Variants in PDGFD observed in about 807,000 individuals in gnomAD.
PDGFD encodes platelet derived growth factor D.
In PDGFD, 30 loss-of-function variants were observed where a neutral mutation model predicts 44.7. The observed-to-expected ratio is 0.67, with a 90% CI of 0.50 to 0.91. The LOEUF is 0.91. Ranked by LOEUF, PDGFD falls within the 40% of genes least tolerant of loss-of-function variation. The pLI, the probability that PDGFD is intolerant of heterozygous loss-of-function variation, is 0.00. For missense variants in PDGFD, 445 were observed against 457.8 expected, an observed-to-expected ratio of 0.97 and a Z score of 0.25; for synonymous variants, 173 against 168.4, an observed-to-expected ratio of 1.03 and a Z score of -0.21.
intron 1 of PDGFD, among the ~76,000 whole-genome samples, chr11:104,029,465 C>T (rs527805206): frequency 1.3e-5 from 2 of 152,118 alleles, no homozygotes; most frequent in African/African-American, 2.4e-5. Flanking sequence ...ATAGAGAAAG[C>T]TACATAAACA....
At chr11:104,105,032 T>C (rs1432415822) in intron 1 of PDGFD, among the ~76,000 whole-genome samples, 1 of 152,220 alleles carries the variant, frequency 6.6e-6, no homozygotes, top group African/African-American at 2.4e-5. Flanking sequence ...GTAACATTTA[T>C]GTGAAACGTA....
At chr11:103,952,415 A>G (rs1858772703) in intron 3 of PDGFD, among the ~76,000 whole-genome samples, 1 of 152,076 alleles carries the variant, frequency 6.6e-6, no homozygotes, top group Non-Finnish European at 1.5e-5. Flanking sequence ...TGACTTCCTC[A>G]CCTCCTGCTC....
chr11:104,005,217 G>C (rs1033371369), intron 1 of PDGFD, among the ~76,000 whole-genome samples: 17 of 152,324 alleles, frequency 1.1e-4, no homozygotes, highest in Non-Finnish European at 2.5e-4. Context: ...CTGGGGAAGA[G>C]AGAGGTCTAG....
intron 1 of PDGFD, among the ~76,000 whole-genome samples, chr11:104,126,517 A>G (rs1248333562): frequency 6.6e-6 from 1 of 152,206 alleles, no homozygotes; most frequent in African/African-American, 2.4e-5. Flanking sequence ...TTTAAGGAGA[A>G]AAACAATCTT....
intron 1 of PDGFD, among the ~76,000 whole-genome samples, chr11:104,119,178 A>G (rs1191883822): frequency 1.6e-3 from 9 of 5,704 alleles, no homozygotes; most frequent in African/African-American, 4.2e-3. Context: ...TAATATATTA[A>G]TATAATATAT....
intron 3 of PDGFD, among the ~76,000 whole-genome samples, chr11:103,951,973 T>C (rs1858765790): frequency 6.6e-6 from 1 of 152,224 alleles, no homozygotes. Context: ...GAGTTTTTAG[T>C]ATATATTCCA....
rs138283618 is a variant in PDGFD at position 104,038,064 on chromosome 11, A to G, written c.125-37809T>C. On this transcript the variant is annotated intron_variant, in intron 1 of 6. Coordinates refer to ENST00000393158, the MANE Select transcript of PDGFD (RefSeq NM_025208.5). Reference sequence around the variant, plus strand: ...TTGAGGGAGCCTCAGGTCCCCGGCAATTATAAGTTAAGAGCTTACTGGCAA... The same window carrying G: ...TTGAGGGAGCCTCAGGTCCCCGGCAGTTATAAGTTAAGAGCTTACTGGCAA... The G allele has an allele frequency of 8.8e-4, 1,346 of 1,524,638 alleles. 12 individuals are homozygous for G. In the African/African-American group the frequency reaches 0.017, roughly 19 times the overall value. The allele number at this position is 1,524,638 out of a possible 1,614,324, so 94.4% of individuals were successfully genotyped here.
At chr11:104,136,097 G>C (rs1055957630) in intron 1 of PDGFD, among the ~76,000 whole-genome samples, 1 of 152,076 alleles carries the variant, frequency 6.6e-6, no homozygotes, top group African/African-American at 2.4e-5. Context: ...TTCCACACAG[G>C]GGCAACTCTG....
intron 1 of PDGFD, among the ~76,000 whole-genome samples, chr11:104,002,919 A>G (rs761046712): frequency 6.6e-6 from 1 of 152,214 alleles, no homozygotes; most frequent in Non-Finnish European, 1.5e-5. Context: ...ATTACTATTA[A>G]ATTTTAAAAT....
chr11:103,941,965 T>C (rs970335249), intron 5 of PDGFD, among the ~76,000 whole-genome samples: 1 of 152,118 alleles, frequency 6.6e-6, no homozygotes, highest in African/African-American at 2.4e-5. Flanking sequence ...TTAAATTGAA[T>C]CCAATCTGTG....
intron 1 of PDGFD, among the ~76,000 whole-genome samples, chr11:104,031,580 T>C (rs1860126584): frequency 6.6e-6 from 1 of 152,142 alleles, no homozygotes; most frequent in African/African-American, 2.4e-5. Flanking sequence ...TGGAAGGCAA[T>C]GTGGCGATTC....
At chr11:104,009,370 T>A (rs980966320) in intron 1 of PDGFD, among the ~76,000 whole-genome samples, 3 of 152,074 alleles carry the variant, frequency 2.0e-5, no homozygotes, top group Non-Finnish European at 4.4e-5. Context: ...TGCAACCATT[T>A]AATTTAGAGT....
chr11:104,151,356 G>C (rs1000884366), intron 1 of PDGFD, among the ~76,000 whole-genome samples: 1 of 152,082 alleles, frequency 6.6e-6, no homozygotes, highest in Non-Finnish European at 1.5e-5. Flanking sequence ...GTACAAAGTA[G>C]TAAAACAGTT....
chr11:104,093,970 G>A (rs1473068053), intron 1 of PDGFD, among the ~76,000 whole-genome samples: 2 of 150,874 alleles, frequency 1.3e-5, no homozygotes, highest in African/African-American at 4.9e-5. Flanking sequence ...AGTCTTTAAA[G>A]ACTTGCTTAC....
At chr11:104,125,341 G>A (rs1319078488) in intron 1 of PDGFD, among the ~76,000 whole-genome samples, 1 of 151,928 alleles carries the variant, frequency 6.6e-6, no homozygotes, top group Non-Finnish European at 1.5e-5. Flanking sequence ...ATTTCAAAGG[G>A]TTGGTTTGTG....
At chr11:103,963,493 C>A (rs1042003681) in intron 3 of PDGFD, among the ~76,000 whole-genome samples, 1 of 152,062 alleles carries the variant, frequency 6.6e-6, no homozygotes, top group Non-Finnish European at 1.5e-5. Context: ...TCCTTCACCA[C>A]CCCATAATTA....
chr11:103,973,785 A>G (rs1436955992), intron 3 of PDGFD, among the ~76,000 whole-genome samples: 1 of 152,196 alleles, frequency 6.6e-6, no homozygotes, highest in African/African-American at 2.4e-5. Flanking sequence ...AATATTAGAA[A>G]TATGTTATGC....
intron 6 of PDGFD, among the ~76,000 whole-genome samples, chr11:103,926,618 C>A (rs1408896289): frequency 6.6e-6 from 1 of 152,138 alleles, no homozygotes; most frequent in Admixed American, 6.5e-5. Context: ...GCAAGTAGGT[C>A]AAGCTCTGAA....
At chr11:103,948,995 CTTTTTTTTTT>C (rs10606695) in intron 3 of PDGFD, among the ~76,000 whole-genome samples, 14 of 77,048 alleles carry the variant, frequency 1.8e-4, no homozygotes, top group Non-Finnish European at 2.5e-4. Flanking sequence ...ATTTTAGTCA[CTTTTTTTTTT>C]TTTTTTTTTT....
Sources: allele counts gnomAD v4.1 joint callset (sites outside exome capture counted in the v4.1 genomes callset), GRCh38; gene constraint gnomAD v4.1.1; transcripts MANE v1.5; gene names NCBI Gene and HGNC (gene_info 2026-07-23, HGNC 2026-07-21).